Variants in BANP observed in about 807,000 individuals in gnomAD.
The protein encoded by BANP is BTG3 associated nuclear protein.
BANP carries 11 observed loss-of-function variants against 68.1 expected under a neutral mutation model. That is an observed-to-expected ratio of 0.16 (90% confidence interval 0.10 to 0.27). The LOEUF (loss-of-function observed/expected upper bound fraction) is 0.27. Among genes scored for constraint, BANP ranks in the 10% least tolerant of loss-of-function variants. The pLI, the probability that BANP is intolerant of heterozygous loss-of-function variation, is 1.00. For missense variants in BANP, 504 were observed against 722.7 expected (o/e 0.70, Z 3.47); for synonymous variants, 329 against 303.2 (o/e 1.09, Z -0.88).
chr16:87,996,390 C>T (rs1290354222), intron 4 of BANP, among the ~76,000 whole-genome samples: 40 of 152,210 alleles, frequency 2.6e-4, no homozygotes, highest in Admixed American at 2.4e-3. Context: ...TCTGAAGTGC[C>T]GGCTGGGCCC....
chr16:87,963,972 G>C (rs2059618403), intron 1 of BANP, among the ~76,000 whole-genome samples: 2 of 152,138 alleles, frequency 1.3e-5, no homozygotes, highest in African/African-American at 4.8e-5. Flanking sequence ...AAATACTTTT[G>C]CAGCTGTCCG....
At chr16:88,010,935 C>G (rs2072937293) in intron 6 of BANP, among the ~76,000 whole-genome samples, 1 of 35,838 alleles carries the variant, frequency 2.8e-5, no homozygotes, top group Non-Finnish European at 5.1e-5. Flanking sequence ...CAGAATTCAT[C>G]TTATGTAAGT....
rs1381390194 is a variant in BANP at position 88,003,345 on chromosome 16, G to A, written c.363-950G>A. 1 of 423,148 alleles carries A rather than the reference G, an allele frequency of 2.4e-6. No individual in the cohort carries two copies. 26.2% of individuals were successfully genotyped at this position (423,148 alleles called of 1,614,324 possible). ...GTGGGGACAGTTACAGTGATACTAGGCTAGAATTTCCTATGTGCAGATCAC... is the reference window on the plus strand; with the variant it reads ...GTGGGGACAGTTACAGTGATACTAGACTAGAATTTCCTATGTGCAGATCAC... On this transcript the variant is annotated intron_variant, in intron 4 of 13. Coordinates refer to ENST00000682872, the MANE Select transcript of BANP (RefSeq NM_001386991.1). The surrounding 1 kb of genome is among the most constrained non-coding windows in gnomAD (Gnocchi z 6.1).
chr16:87,982,497 C>T (rs1175510206), intron 3 of BANP: 1 of 152,214 alleles, frequency 6.6e-6, no homozygotes, highest in Non-Finnish European at 1.5e-5. Context: ...GATTCAGCCA[C>T]CTATTGTTGC....
intron 8 of BANP, among the ~76,000 whole-genome samples, chr16:88,029,755 A>C (rs2077755469): frequency 6.6e-6 from 1 of 152,256 alleles, no homozygotes; most frequent in African/African-American, 2.4e-5. Context: ...GCAACAGCAC[A>C]GGACCGTGAT....
intron 11 of BANP, among the ~76,000 whole-genome samples, chr16:88,048,033 G>C (rs7403837): frequency 0.99 from 150,781 of 152,374 alleles, 74,614 homozygotes; most frequent in East Asian, 1. Context: ...GTGCAGGGCC[G>C]GCTCAAAGAG....
intron 11 of BANP, among the ~76,000 whole-genome samples, chr16:88,040,235 G>T (rs72818533): frequency 6.7e-6 from 1 of 149,350 alleles, no homozygotes. Flanking sequence ...GAACCCCCTC[G>T]TTTTCCATTT....
rs1023760734 is a variant in BANP, at chr16:88,004,159, T to C, written c.363-136T>C. ...AGGACGGGTCCCTGGGAGTGGACTA[T>C]GTTGAATGACTCTTAGGCCTCCCCC... On this transcript the variant is annotated intron_variant, in intron 4 of 13. Coordinates refer to ENST00000682872, the MANE Select transcript of BANP (RefSeq NM_001386991.1). The surrounding 1 kb of genome is among the most constrained non-coding windows in gnomAD (Gnocchi z 7.0). 4 of 677,768 alleles carry C rather than the reference T, an allele frequency of 5.9e-6. No homozygotes were observed. In the East Asian group the frequency reaches 1.1e-4, roughly 19 times the overall value. 42.0% of individuals were successfully genotyped at this position (677,768 alleles called of 1,614,324 possible).
intron 4 of BANP, among the ~76,000 whole-genome samples, chr16:87,991,927 G>A (rs1487321708): frequency 6.6e-6 from 1 of 151,912 alleles, no homozygotes; most frequent in Non-Finnish European, 1.5e-5. Flanking sequence ...AAATATTTTT[G>A]CCTTATTCCT....
rs1567632794 is a variant in BANP at position 87,975,571 on chromosome 16, C to CCCTGTGTGCGGCGT, written c.70+387_70+388insCTGTGTGCGGCGTC. 5.3e-3 allele frequency among the ~76,000 whole-genome samples: 761 copies of CCCTGTGTGCGGCGT among 144,636 alleles called. 3 individuals carry two copies. Among genetic ancestry groups the CCCTGTGTGCGGCGT allele is most frequent in the Middle Eastern group, 0.011 (3 of 284 alleles). The allele number at this position is 144,636 out of a possible 152,430, so 94.9% of individuals were successfully genotyped here. A position where few individuals can be genotyped will look rare whatever the true frequency, so the allele number is the denominator to read the frequency against. On this transcript the variant is annotated intron_variant, in intron 2 of 13. Transcript: ENST00000682872. Reference sequence around the variant, plus strand: ...ACCTTACCATGTTGTGTGTGTAATCCCATGTGCGGCGTCATGGAACCTTAC... The same window carrying CCCTGTGTGCGGCGT: ...ACCTTACCATGTTGTGTGTGTAATCCCCTGTGTGCGGCGTCATGTGCGGCGTCATGGAACCTTAC...
intron 6 of BANP, among the ~76,000 whole-genome samples, chr16:88,016,700 A>G (rs1310321130): frequency 2.6e-5 from 4 of 152,206 alleles, no homozygotes; most frequent in African/African-American, 9.7e-5. Context: ...TCCACCCATT[A>G]GCCTTGAGGT....
chr16:88,053,520 C>G (rs1207003243), intron 11 of BANP, among the ~76,000 whole-genome samples: 1 of 148,258 alleles, frequency 6.7e-6, no homozygotes, highest in Non-Finnish European at 1.5e-5. Flanking sequence ...TCATCACCAG[C>G]ACAACCACAA....
At chr16:88,041,976 AGAGACGCAGTAGGAGCGTGG>A (rs1483615819) in intron 11 of BANP, among the ~76,000 whole-genome samples, 5 of 152,074 alleles carry the variant, frequency 3.3e-5, no homozygotes, top group African/African-American at 4.8e-5. Context: ...TAGGAGGGTG[AGAGACGCAGTAGGAGCGTGG>A]GAGACGCAGT....
intron 11 of BANP, among the ~76,000 whole-genome samples, chr16:88,049,207 C>T (rs2082695703): frequency 1.3e-5 from 2 of 152,194 alleles, no homozygotes; most frequent in African/African-American, 2.4e-5. Flanking sequence ...AACTTCTGGC[C>T]AACCGGCTTC....
chr16:87,981,114 A>G lies in BANP; in HGVS notation c.149A>G (p.Asp50Gly). ...CAGCGACTAGAAATCAATTGCCAGG[A>G]TCCATCTATAAAGGTAAAAATCTGA... ...KRQRLEINCQDPSIKSFLYSI... is the reference protein window; with the variant it reads ...KRQRLEINCQGPSIKSFLYSI... The change falls in exon 3 of 14, where the codon GAT becomes GGT. Residue 50 changes from aspartate to glycine, a missense_variant. This residue lies in a region of BANP where 238 missense variants were observed against 278.9 expected (regional missense o/e 0.85). Transcript: ENST00000682872. 1 of 1,613,896 alleles carries G rather than the reference A, an allele frequency of 6.2e-7. No individual in the cohort carries two copies. Among genetic ancestry groups the G allele is most frequent in the Non-Finnish European group, 8.5e-7 (1 of 1,179,798 alleles).
intron 8 of BANP, among the ~76,000 whole-genome samples, chr16:88,029,780 C>T (rs1240934966): frequency 6.6e-6 from 1 of 152,152 alleles, no homozygotes; most frequent in South Asian, 2.1e-4. Context: ...AGAGAAGGAA[C>T]ATGAGAGGAG....
Position 88,005,588 on chromosome 16 carries a change from C to T in BANP, c.480-502C>T, listed in dbSNP as rs1052904011. On this transcript the variant is annotated intron_variant, in intron 5 of 13. Transcript: ENST00000682872. ...GGGATGATGGCAGCTCCGATGGGAT[C>T]TCAGTGGGTTTTTTAAGCCCCGTCA... Among the ~76,000 whole-genome samples the T allele has an allele frequency of 6.6e-5, 10 of 152,332 alleles. No individual in the cohort carries two copies. In the East Asian group the frequency reaches 1.7e-3, roughly 26 times the overall value.
chr16:88,067,181 C>T (rs560774943), intron 12 of BANP, among the ~76,000 whole-genome samples: 1 of 152,334 alleles, frequency 6.6e-6, no homozygotes, highest in East Asian at 1.9e-4. Flanking sequence ...CCGCCTGCCA[C>T]TCAGTGTGTT....
chr16:88,066,784 G>A (rs943528749), intron 12 of BANP, among the ~76,000 whole-genome samples: 1 of 152,134 alleles, frequency 6.6e-6, no homozygotes, highest in Non-Finnish European at 1.5e-5. Context: ...GCCTGTGTGT[G>A]TCTTTGCCAT....
Sources: allele counts gnomAD v4.1 joint callset (sites outside exome capture counted in the v4.1 genomes callset), GRCh38; gene constraint gnomAD v4.1.1; regional missense constraint gnomAD v4.1.1; non-coding constraint Gnocchi (gnomAD v3.1); transcripts MANE v1.5; gene names NCBI Gene and HGNC (gene_info 2026-07-23, HGNC 2026-07-21).